The following RELL1 variants were observed in gnomAD, a reference collection of about 807,000 sequenced individuals.
RELL1 encodes the protein RELT like 1, also known as RELT-like protein 1.
A neutral mutation model predicts 23.0 loss-of-function variants in RELL1; 10 were observed. That is an observed-to-expected ratio of 0.43 (90% CI 0.27 to 0.74). The LOEUF is 0.74. RELL1 is among the 30% of genes least tolerant of loss of function. The pLI is 0.19. For missense variants in RELL1, 315 were observed against 364.4 expected, an observed-to-expected ratio of 0.86 and a Z score of 1.10; for synonymous variants, 146 against 146.8, an observed-to-expected ratio of 0.99 and a Z score of 0.04.
chr4:37,612,903 G>A lies in RELL1; in HGVS notation c.*443C>T, dbSNP rs1326717167. On this transcript the variant is annotated 3_prime_UTR_variant, in exon 7 of 7. Coordinates refer to ENST00000454158, the MANE Select transcript of RELL1 (RefSeq NM_001085400.2). ...TCTTCTTACAACCAGTGTCAAAATA[G>A]GATGCAGGAACTGGAAAAAGAAACA... 5 of 152,166 alleles carry A rather than the reference G, an allele frequency of 3.3e-5. No homozygotes were observed. The highest frequency in any genetic ancestry group is 1.5e-5 in the Non-Finnish European group (1 of 68,064). 9.4% of individuals were successfully genotyped at this position (152,166 alleles called of 1,614,324 possible). A position where few individuals can be genotyped will look rare whatever the true frequency, so the allele number is the denominator to read the frequency against.
At chr4:37,596,165 T>G (rs988629560) in intron 6 of RELL1, among the ~76,000 whole-genome samples, 1 of 152,232 alleles carries the variant, frequency 6.6e-6, no homozygotes, top group Non-Finnish European at 1.5e-5. Context: ...TCTTGCTCGC[T>G]GTGTGACCTT....
At chr4:37,674,944 T>C (rs1721971488) in intron 1 of RELL1, among the ~76,000 whole-genome samples, 1 of 152,218 alleles carries the variant, frequency 6.6e-6, no homozygotes, top group Non-Finnish European at 1.5e-5. Flanking sequence ...TGCAGCAAAA[T>C]CCATCTAGCC....
In RELL1 at chr4:37,600,269, C is replaced by CA. The variant is rs33929317; in HGVS notation, c.*4-9053dup. 7.8e-3 allele frequency among the ~76,000 whole-genome samples: 867 copies of CA among 111,138 alleles called. 9 individuals are homozygous for CA. The highest frequency in any genetic ancestry group is 0.021 in the African/African-American group (612 of 28,612). The allele number at this position is 111,138 out of a possible 152,430, so 72.9% of individuals were successfully genotyped here. Reference sequence around the variant, plus strand: ...TGGGTGACAGAGCGAGACTCCATCTCAAAAAAAAAAAAAAAAAAAAAAGTT... The same window carrying CA: ...TGGGTGACAGAGCGAGACTCCATCTCAAAAAAAAAAAAAAAAAAAAAAAGTT... On this transcript the variant is annotated intron_variant, in intron 6 of 6. Transcript: ENST00000314117.
intron 1 of RELL1, among the ~76,000 whole-genome samples, chr4:37,672,370 G>A (rs1355829233): frequency 6.6e-6 from 1 of 152,030 alleles, no homozygotes; most frequent in African/African-American, 2.4e-5. Context: ...TATCACTCAA[G>A]AAATCCCAAG....
At chr4:37,642,004 A>G (rs1720546486) in intron 3 of RELL1, among the ~76,000 whole-genome samples, 1 of 152,166 alleles carries the variant, frequency 6.6e-6, no homozygotes, top group Non-Finnish European at 1.5e-5. Context: ...ACAGGCTTGG[A>G]CACAAACCCT....
At chr4:37,590,429 G>A (rs1718542033), downstream of RELL1, 1 of 1,612,798 alleles carries the variant, frequency 6.2e-7, no homozygotes, top group Non-Finnish European at 8.5e-7. Flanking sequence ...TCCTGGGCCA[G>A]TACTGCAAAT....
chr4:37,651,111 T>G (rs982259005), intron 1 of RELL1, among the ~76,000 whole-genome samples: 2 of 152,082 alleles, frequency 1.3e-5, no homozygotes, highest in Admixed American at 1.3e-4. Context: ...AAAGTTAGCC[T>G]TATATATGTT....
intron 1 of RELL1, among the ~76,000 whole-genome samples, chr4:37,658,751 A>C (rs575675515): frequency 6.6e-6 from 1 of 152,334 alleles, no homozygotes; most frequent in East Asian, 1.9e-4. Flanking sequence ...TTCATCATTT[A>C]GCCACTTTTC....
rs921983354 is a variant in RELL1, at chr4:37,631,897, G to A, written c.681-374C>T. Among the ~76,000 whole-genome samples, 8 of 151,714 alleles carry A rather than the reference G, an allele frequency of 5.3e-5. No individual in the cohort carries two copies. The East Asian group carries it at 1.4e-3, about 26-fold the overall frequency. On this transcript the variant is annotated intron_variant, in intron 5 of 6. Coordinates refer to ENST00000454158, the MANE Select transcript of RELL1 (RefSeq NM_001085400.2). Reference sequence around the variant, plus strand: ...GAATTTGAGACCAGACTGGGTGTATGGCAAAACTCTGTCTCTACAGAAATT... The same window carrying A: ...GAATTTGAGACCAGACTGGGTGTATAGCAAAACTCTGTCTCTACAGAAATT...
downstream of RELL1, among the ~76,000 whole-genome samples, chr4:37,605,791 A>AAGAGAGAGAGAAAGAAAGAGAG (rs879276161): frequency 1.4e-5 from 1 of 71,054 alleles, no homozygotes; most frequent in African/African-American, 4.9e-5. Context: ...GAGAGAAAGA[A>AAGAGAGAGAGAAAGAAAGAGAG]AGAGAAAGAA....
At chr4:37,675,536 C>T (rs537046100) in intron 1 of RELL1, among the ~76,000 whole-genome samples, 10 of 152,320 alleles carry the variant, frequency 6.6e-5, no homozygotes, top group African/African-American at 2.4e-4. Flanking sequence ...TGCTCAGCTG[C>T]CTCAAGAAGC....
intron 1 of RELL1, 43 bp from the exon 2 acceptor site, chr4:37,649,543 G>A: frequency 6.4e-7 from 1 of 1,551,268 alleles, no homozygotes; most frequent in Non-Finnish European, 8.9e-7. Context: ...ATCTGTCCAG[G>A]GCAAGAAAAA....
downstream of RELL1, among the ~76,000 whole-genome samples, chr4:37,605,803 GAAAGAAAGAAAGAAAGAA>G (rs1719184401): frequency 3.3e-5 from 3 of 92,092 alleles, no homozygotes; most frequent in African/African-American, 1.1e-4. Flanking sequence ...GAGAAAGAAA[GAAAGAAAGAAAGAAAGAA>G]AGAAAGAAAG....
At position 37,649,287 on chromosome 4, in the gene RELL1, A is replaced by G; in HGVS notation, c.302T>C (p.Val101Ala). ...EAEQDIEEEK[V>A]EKIELNDSVN... ...CCCTGGTTATTTACCTATCTTTTCA[A>G]CCTTTTCCTCTTCGATATCTTGCTC... is the stretch of plus-strand genomic sequence containing the variant. Residue 101 changes from valine (V) to alanine (A), a missense_variant, in exon 2 of 7, where the codon GTT (valine) becomes GCT (alanine). Transcript: ENST00000454158. 6.2e-7 allele frequency: 1 copy of G among 1,613,962 alleles called. No homozygotes were observed. Among genetic ancestry groups the G allele is most frequent in the Non-Finnish European group, 8.5e-7 (1 of 1,179,872 alleles).
At chr4:37,668,680 G>A (rs1280053070) in intron 1 of RELL1, among the ~76,000 whole-genome samples, 12 of 148,548 alleles carry the variant, frequency 8.1e-5, no homozygotes, top group African/African-American at 2.5e-4. Context: ...GCCGCCCATC[G>A]TCTGGGATGT....
downstream of RELL1, among the ~76,000 whole-genome samples, chr4:37,586,637 T>C (rs13134508): frequency 0.76 from 115,235 of 152,162 alleles, 43,751 homozygotes; most frequent in African/African-American, 0.82. Flanking sequence ...CAGCCGGGCA[T>C]GGTGGCTCAC....
chr4:37,667,029 G>A (rs1000412665), intron 1 of RELL1, among the ~76,000 whole-genome samples: 4 of 152,128 alleles, frequency 2.6e-5, no homozygotes, highest in Admixed American at 2.0e-4. Context: ...TAGAGAAAGG[G>A]CAAAGTAAAG....
Position 37,628,062 on chromosome 4 carries a change from T to C in RELL1, c.*3+3323A>G, listed in dbSNP as rs116180494. On this transcript the variant is annotated intron_variant, in intron 6 of 6. Transcript: ENST00000454158. ...GATGAGATTTGAAAAGAAAAAAAACTGCAAGAAAAATTTTAATGAATACAT... is the reference window on the plus strand; with the variant it reads ...GATGAGATTTGAAAAGAAAAAAAACCGCAAGAAAAATTTTAATGAATACAT... Among the ~76,000 whole-genome samples, 456 of 152,276 alleles carry C rather than the reference T, an allele frequency of 3.0e-3. 1 individual carries two copies. The highest frequency in any genetic ancestry group is 0.011 in the African/African-American group (439 of 41,568).
Position 37,668,797 on chromosome 4 carries a change from A to T in RELL1, c.88+17403T>A, listed in dbSNP as rs1273990103. On this transcript the variant is annotated intron_variant, in intron 1 of 6. Transcript: ENST00000454158. The stretch of plus-strand genomic sequence containing the variant: ...AGCGCCTCTTCCCGGCCGCCACCCC[A>T]TCTAGGAAGTGAGGAGCGTCTCTCC... Among the ~76,000 whole-genome samples, 15 of 126,456 alleles carry T rather than the reference A, an allele frequency of 1.2e-4. 1 individual carries two copies. The highest frequency in any genetic ancestry group is 1.1e-3 in the Admixed American group (15 of 13,264). 83.0% of individuals were successfully genotyped at this position (126,456 alleles called of 152,430 possible). A position where few individuals can be genotyped will look rare whatever the true frequency, so the allele number is the denominator to read the frequency against.
Sources: gnomAD v4.1 joint callset for allele counts (sites outside exome capture counted in the v4.1 genomes callset) on GRCh38, gnomAD v4.1.1 for gene constraint, MANE v1.5 for transcripts, NCBI Gene and HGNC (gene_info 2026-07-23, HGNC 2026-07-21) for gene names.